The following RIMS1 variants were observed in gnomAD, a reference collection of about 807,000 sequenced individuals.
RIMS1 encodes the protein regulating synaptic membrane exocytosis protein 1.
In RIMS1, 83 loss-of-function variants were observed where a neutral mutation model predicts 214.1. The observed-to-expected ratio is 0.39, with a 90% CI of 0.32 to 0.47. The LOEUF is 0.47. RIMS1 is among the 20% of genes least tolerant of loss of function. The pLI is 0.99. For synonymous variants in RIMS1, 793 were observed against 786.8 expected (o/e 1.01, Z -0.13); for missense variants, 2,050 against 2,161.8 (o/e 0.95, Z 1.03).
At chr6:72,225,509 T>C (rs2059930915) in intron 6 of RIMS1, among the ~76,000 whole-genome samples, 1 of 152,238 alleles carries the variant, frequency 6.6e-6, no homozygotes, top group South Asian at 2.1e-4. Context: ...TATTTTCCTT[T>C]ATCAAAGATA....
chr6:72,004,492 T>G (rs1584643619), intron 2 of RIMS1, among the ~76,000 whole-genome samples: 1 of 151,834 alleles, frequency 6.6e-6, no homozygotes, highest in Non-Finnish European at 1.5e-5. Context: ...ACCAACAGTG[T>G]AAAAGTGTTC....
intron 4 of RIMS1, among the ~76,000 whole-genome samples, chr6:72,146,983 T>C (rs183363118): frequency 1.5e-3 from 222 of 152,276 alleles, no homozygotes; most frequent in African/African-American, 5.1e-3. Flanking sequence ...CCCCAGACCT[T>C]ACCAACTGTA....
chr6:71,941,241 T>C (rs60015376), intron 1 of RIMS1, among the ~76,000 whole-genome samples: 1 of 152,196 alleles, frequency 6.6e-6, no homozygotes, highest in Non-Finnish European at 1.5e-5. Context: ...ATAAAAGTAT[T>C]GTACCTAAAC....
chr6:72,263,135 T>A (rs1470667255), intron 19 of RIMS1: 2 of 984,482 alleles, frequency 2.0e-6, no homozygotes, highest in Non-Finnish European at 2.4e-6. Flanking sequence ...TTTTTGTGAG[T>A]CAAATACATT....
chr6:72,102,452 AT>A (rs1279350005), intron 4 of RIMS1, among the ~76,000 whole-genome samples: 5 of 152,180 alleles, frequency 3.3e-5, no homozygotes, highest in South Asian at 2.1e-4. Flanking sequence ...CATATAAAAA[AT>A]AATTTTTATA....
intron 9 of RIMS1, 100 bp downstream of exon 9, chr6:72,238,022 C>G: frequency 1.5e-6 from 1 of 664,340 alleles, no homozygotes; most frequent in Non-Finnish European, 2.6e-6. Flanking sequence ...TACATACATA[C>G]ATACATGTAT....
chr6:72,361,330 T>C (rs928277576), intron 29 of RIMS1, among the ~76,000 whole-genome samples: 2 of 151,874 alleles, frequency 1.3e-5, no homozygotes, highest in Non-Finnish European at 2.9e-5. Context: ...GGTCTCGAAC[T>C]CCTGACTTCA....
At chr6:72,091,673 T>C (rs1050393737) in intron 2 of RIMS1, among the ~76,000 whole-genome samples, 5 of 152,110 alleles carry the variant, frequency 3.3e-5, no homozygotes, top group African/African-American at 9.7e-5. Flanking sequence ...ATTAAAATAA[T>C]GCAACAATTA....
At chr6:71,946,877 G>C (rs1266781461) in intron 1 of RIMS1, among the ~76,000 whole-genome samples, 1 of 151,960 alleles carries the variant, frequency 6.6e-6, no homozygotes, top group Non-Finnish European at 1.5e-5. Context: ...GAATATATTT[G>C]CAAAATGTAC....
chr6:72,231,519 A>T (rs994925239), intron 6 of RIMS1, among the ~76,000 whole-genome samples: 6 of 151,702 alleles, frequency 4.0e-5, no homozygotes, highest in African/African-American at 1.4e-4. Flanking sequence ...AAAAAATAAA[A>T]TTTGTTTAAG....
At chr6:71,971,521 T>C (rs1435183273) in intron 2 of RIMS1, among the ~76,000 whole-genome samples, 1 of 152,004 alleles carries the variant, frequency 6.6e-6, no homozygotes, top group African/African-American at 2.4e-5. Context: ...TACCAAGAAG[T>C]TGAATTAAAG....
intron 2 of RIMS1, among the ~76,000 whole-genome samples, chr6:71,976,777 A>G (rs1460850477): frequency 6.6e-6 from 1 of 152,062 alleles, no homozygotes; most frequent in Non-Finnish European, 1.5e-5. Context: ...TATATGATGT[A>G]TGTGTTTTTA....
chr6:72,268,523 T>A (rs187185685), intron 22 of RIMS1, among the ~76,000 whole-genome samples: 2 of 152,316 alleles, frequency 1.3e-5, no homozygotes, highest in Admixed American at 1.3e-4. Flanking sequence ...AACACAAGTT[T>A]TCTGTTAAGA....
At chr6:72,393,114 A>G (rs2098727089) in intron 31 of RIMS1, among the ~76,000 whole-genome samples, 1 of 152,076 alleles carries the variant, frequency 6.6e-6, no homozygotes, top group Admixed American at 6.5e-5. Context: ...TGTTCAGTAA[A>G]GTATAGTAAC....
chr6:71,920,232 C>A (rs73545360), intron 1 of RIMS1, among the ~76,000 whole-genome samples: 2 of 152,024 alleles, frequency 1.3e-5, no homozygotes, highest in South Asian at 4.1e-4. Context: ...CACTAAAATG[C>A]AATGTAGTAT....
At chr6:72,048,178 T>A (rs1823598915) in intron 2 of RIMS1, among the ~76,000 whole-genome samples, 1 of 152,198 alleles carries the variant, frequency 6.6e-6, no homozygotes, top group South Asian at 2.1e-4. Flanking sequence ...AAAATCTTCA[T>A]GTGGCAAATA....
chr6:72,089,406 G>C (rs921237227), intron 2 of RIMS1, among the ~76,000 whole-genome samples: 4 of 152,096 alleles, frequency 2.6e-5, no homozygotes, highest in Admixed American at 2.0e-4. Context: ...GTAGGTTTCT[G>C]ATTTCTGCGG....
At chr6:72,192,750 A>G (rs1389596802) in intron 6 of RIMS1, among the ~76,000 whole-genome samples, 1 of 152,124 alleles carries the variant, frequency 6.6e-6, no homozygotes, top group African/African-American at 2.4e-5. Flanking sequence ...CCACCTTAGT[A>G]TCTAATTATT....
rs1411043812 is a variant in RIMS1 at position 72,251,292 on chromosome 6, A to G, written c.2622A>G (p.Ser874=). ...AACTTCAGACACATGATGAGTCTTC[A>G]CTACCTCTGCCTCAGCCATCACCTT... The part of the protein sequence containing the change: ...WYKLQTHDES[S]LPLPQPSPFM... Residue 874 remains serine, a synonymous_variant, in exon 15 of 34, where the codon TCA becomes TCG. Transcript: ENST00000521978. The G allele has an allele frequency of 6.3e-7, 1 of 1,599,628 alleles. No individual in the cohort carries two copies.
Sources: allele counts gnomAD v4.1 joint callset (sites outside exome capture counted in the v4.1 genomes callset), GRCh38; gene constraint gnomAD v4.1.1; transcripts MANE v1.5; gene names NCBI Gene and HGNC (gene_info 2026-07-23, HGNC 2026-07-21).